Variants in LIPI observed in about 807,000 individuals in gnomAD.
LIPI encodes lipase I.
LIPI carries 59 observed loss-of-function variants against 50.6 expected under a neutral mutation model. The observed-to-expected ratio is 1.16, with a 90% CI of 0.94 to 1.45. The LOEUF (loss-of-function observed/expected upper bound fraction) is 1.45, where lower values mean the gene tolerates loss of function less well. Ranked by LOEUF, LIPI falls within the 40% of genes most tolerant of loss-of-function variation. The probability of loss-of-function intolerance (pLI) is 0.00; values close to 1 mark genes in which losing one functional copy is unlikely to be tolerated. For synonymous variants in LIPI, 203 were observed against 178.2 expected (o/e 1.14, Z -1.11); for missense variants, 586 against 536.3 (o/e 1.09, Z -0.92).
chr21:14,131,775 A>G (rs987871449), intron 9 of LIPI, among the ~76,000 whole-genome samples: 1 of 152,186 alleles, frequency 6.6e-6, no homozygotes, highest in African/African-American at 2.4e-5. Context: ...AAGAAGCTCA[A>G]TGAGATGTAA....
At chr21:14,164,284 G>C (rs1028170367) in intron 6 of LIPI, among the ~76,000 whole-genome samples, 1 of 151,930 alleles carries the variant, frequency 6.6e-6, no homozygotes, top group African/African-American at 2.4e-5. Context: ...TATTCACTCT[G>C]GGTTACAATT....
intron 7 of LIPI, among the ~76,000 whole-genome samples, chr21:14,161,318 GAT>G (rs1268228186): frequency 1.4e-5 from 2 of 144,968 alleles, no homozygotes; most frequent in East Asian, 2.0e-4. Flanking sequence ...TATCCCTATA[GAT>G]ATATATGTAA....
intron 9 of LIPI, among the ~76,000 whole-genome samples, chr21:14,129,952 C>A (rs915867545): frequency 1.3e-5 from 2 of 152,102 alleles, no homozygotes; most frequent in Non-Finnish European, 2.9e-5. Flanking sequence ...TTATTTGTAT[C>A]ACTTCTCAAC....
chr21:14,109,445 G>T (rs1448198423), intron 9 of LIPI, among the ~76,000 whole-genome samples: 2 of 152,054 alleles, frequency 1.3e-5, no homozygotes, highest in Non-Finnish European at 1.5e-5. Context: ...GAGTCAGGGT[G>T]AATCACATAG....
intron 9 of LIPI, among the ~76,000 whole-genome samples, chr21:14,110,791 T>A (rs372690725): frequency 2.0e-5 from 3 of 151,884 alleles, no homozygotes; most frequent in East Asian, 3.9e-4. Flanking sequence ...TCATTCATGC[T>A]GTTGCCAATG....
chr21:14,136,331 G>A (rs1288288754), intron 9 of LIPI, among the ~76,000 whole-genome samples: 1 of 152,168 alleles, frequency 6.6e-6, no homozygotes, highest in East Asian at 1.9e-4. Context: ...TCCAGAGGGA[G>A]CCCACTGCCC....
chr21:14,166,050 G>C (rs2123161649), intron 5 of LIPI, among the ~76,000 whole-genome samples: 1 of 152,260 alleles, frequency 6.6e-6, no homozygotes, highest in African/African-American at 2.4e-5. Flanking sequence ...GATCAAAGTT[G>C]TATTATATGA....
intron 4 of LIPI, among the ~76,000 whole-genome samples, chr21:14,170,189 C>A (rs1447639186): frequency 6.6e-6 from 1 of 152,108 alleles, no homozygotes; most frequent in East Asian, 1.9e-4. Context: ...CTGAATAAAC[C>A]AGTAACAGGC....
intron 9 of LIPI, among the ~76,000 whole-genome samples, chr21:14,132,663 A>G (rs937822983): frequency 6.6e-6 from 1 of 152,162 alleles, no homozygotes; most frequent in African/African-American, 2.4e-5. Context: ...ACTCACACAA[A>G]GGAAGAAGAT....
At chr21:14,111,137 T>C (rs2016395672) in intron 9 of LIPI, among the ~76,000 whole-genome samples, 1 of 151,864 alleles carries the variant, frequency 6.6e-6, no homozygotes, top group Non-Finnish European at 1.5e-5. Context: ...ATTAGTTCTA[T>C]TTTTAATGTT....
chr21:14,184,137 T>C (rs1185474169), intron 3 of LIPI, among the ~76,000 whole-genome samples: 1 of 152,196 alleles, frequency 6.6e-6, no homozygotes, highest in Non-Finnish European at 1.5e-5. Context: ...CATGGAATAC[T>C]ATGCAGCCAT....
At chr21:14,129,587 T>C (rs2017202586) in intron 9 of LIPI, among the ~76,000 whole-genome samples, 1 of 151,990 alleles carries the variant, frequency 6.6e-6, no homozygotes. Context: ...TTTTAATTAT[T>C]TGTATTTTAA....
chr21:14,145,285 CT>C (rs2017862735), intron 8 of LIPI, among the ~76,000 whole-genome samples: 1 of 152,136 alleles, frequency 6.6e-6, no homozygotes, highest in African/African-American at 2.4e-5. Context: ...TGTAATTAAG[CT>C]TTACATGCTT....
At chr21:14,185,626 C>T (rs1028765798) in intron 3 of LIPI, among the ~76,000 whole-genome samples, 1 of 152,060 alleles carries the variant, frequency 6.6e-6, no homozygotes, top group Non-Finnish European at 1.5e-5. Context: ...GCCTGTAATC[C>T]AAGTACTTTG....
rs570208483 is a variant in LIPI, at chr21:14,110,093, T to C, written c.1296-1013A>G. Among the ~76,000 whole-genome samples the C allele has an allele frequency of 2.4e-4, 27 of 111,738 alleles. 1 individual carries two copies. Among genetic ancestry groups the C allele is most frequent in the Admixed American group, 2.4e-3 (25 of 10,586 alleles). 73.3% of individuals were successfully genotyped at this position (111,738 alleles called of 152,430 possible). A position where few individuals can be genotyped will look rare whatever the true frequency, so the allele number is the denominator to read the frequency against. ...CATTACCAAAAATGAACACATTACA[T>C]TGATAAAGTATAAGATTGATCTAAA... On this transcript the variant is annotated intron_variant, in intron 9 of 9. Coordinates refer to ENST00000681601, the MANE Select transcript of LIPI (RefSeq NM_001302998.2).
intron 9 of LIPI, among the ~76,000 whole-genome samples, chr21:14,129,447 A>C (rs996655937): frequency 5.3e-5 from 8 of 152,110 alleles, no homozygotes; most frequent in South Asian, 4.1e-4. Context: ...CACAACAGTT[A>C]GTGAAAATAT....
chr21:14,175,889 C>T (rs1312352524), intron 4 of LIPI, among the ~76,000 whole-genome samples: 2 of 151,936 alleles, frequency 1.3e-5, no homozygotes. Context: ...GGAAAGAAGG[C>T]ACAAGTGGGC....
intron 8 of LIPI, among the ~76,000 whole-genome samples, chr21:14,148,609 G>A (rs2017985703): frequency 6.6e-6 from 1 of 152,142 alleles, no homozygotes; most frequent in Admixed American, 6.5e-5. Flanking sequence ...GTACAGGTTT[G>A]TAACTTATTG....
chr21:14,173,104 G>A (rs1203419075), intron 4 of LIPI, among the ~76,000 whole-genome samples: 1 of 152,164 alleles, frequency 6.6e-6, no homozygotes, highest in Non-Finnish European at 1.5e-5. Context: ...TTGGAGTGGA[G>A]CACAAATGTG....
Sources: gnomAD v4.1 joint callset for allele counts (sites outside exome capture counted in the v4.1 genomes callset) on GRCh38, gnomAD v4.1.1 for gene constraint, MANE v1.5 for transcripts, NCBI Gene and HGNC (gene_info 2026-07-23, HGNC 2026-07-21) for gene names.